ROBO1: variants seen among roughly 807,000 people sequenced by gnomAD.
ROBO1 encodes the protein roundabout homolog 1.
ROBO1 carries 149 observed loss-of-function variants against 195.9 expected under a neutral mutation model. The observed-to-expected ratio is 0.76, with a 90% CI of 0.67 to 0.87. The LOEUF is 0.87. Among genes scored for constraint, ROBO1 ranks in the 40% least tolerant of loss-of-function variants. The pLI, the probability that ROBO1 is intolerant of heterozygous loss-of-function variation, is 0.00. For synonymous variants in ROBO1, 816 were observed against 733.2 expected, an observed-to-expected ratio of 1.11 and a Z score of -1.82; for missense variants, 1,933 against 2,068.3, an observed-to-expected ratio of 0.93 and a Z score of 1.27.
chr3:79,747,304 G>A (rs1703920420), intron 1 of ROBO1, among the ~76,000 whole-genome samples: 1 of 151,962 alleles, frequency 6.6e-6, no homozygotes, highest in African/African-American at 2.4e-5. Context: ...CTCCAACAAG[G>A]AGGTTTGAAA....
chr3:79,381,947 C>T (rs1003783130), intron 2 of ROBO1, among the ~76,000 whole-genome samples: 27 of 152,110 alleles, frequency 1.8e-4, no homozygotes, highest in Non-Finnish European at 1.5e-5. Flanking sequence ...CGTATTTTCT[C>T]ATTTTTCACA....
chr3:79,407,512 G>A (rs570038577), intron 2 of ROBO1, among the ~76,000 whole-genome samples: 26 of 152,134 alleles, frequency 1.7e-4, no homozygotes, highest in African/African-American at 5.5e-4. Context: ...TAGTAAAATT[G>A]TCTTTAAGTC....
At chr3:78,824,549 G>T (rs1256354151) in intron 4 of ROBO1, among the ~76,000 whole-genome samples, 1 of 152,068 alleles carries the variant, frequency 6.6e-6, no homozygotes, top group African/African-American at 2.4e-5. Flanking sequence ...TTATAATGAT[G>T]TACATCAGGA....
At chr3:78,981,854 C>G (rs2077002169) in intron 3 of ROBO1, among the ~76,000 whole-genome samples, 1 of 151,660 alleles carries the variant, frequency 6.6e-6, no homozygotes, top group African/African-American at 2.4e-5. Flanking sequence ...GGGACTTTCC[C>G]TAGAAATTCC....
At chr3:78,769,930 TCTC>T (rs545405828) in intron 4 of ROBO1, among the ~76,000 whole-genome samples, 190 of 152,252 alleles carry the variant, frequency 1.2e-3, no homozygotes, top group African/African-American at 4.5e-3. Flanking sequence ...TTGTAGGGCT[TCTC>T]CTGAGAAATC....
intron 3 of ROBO1, among the ~76,000 whole-genome samples, chr3:79,037,499 C>A (rs2078401729): frequency 1.3e-5 from 2 of 152,120 alleles, no homozygotes; most frequent in Non-Finnish European, 2.9e-5. Context: ...CTGTTATTCA[C>A]TCAAATATTC....
intron 2 of ROBO1, among the ~76,000 whole-genome samples, chr3:79,317,868 C>T (rs1401597694): frequency 1.3e-5 from 2 of 152,144 alleles, no homozygotes; most frequent in Non-Finnish European, 2.9e-5. Flanking sequence ...CACACACACA[C>T]ACACAATGAA....
At chr3:79,333,116 T>C (rs2034517768) in intron 2 of ROBO1, among the ~76,000 whole-genome samples, 1 of 151,786 alleles carries the variant, frequency 6.6e-6, no homozygotes, top group Non-Finnish European at 1.5e-5. Context: ...GACAGGCGAA[T>C]TGCTTGAACC....
intron 4 of ROBO1, among the ~76,000 whole-genome samples, chr3:78,922,140 G>A (rs2038969091): frequency 6.6e-6 from 1 of 152,102 alleles, no homozygotes; most frequent in South Asian, 2.1e-4. Context: ...GCATGTACAG[G>A]CAGTCAACAT....
rs58730543 is a variant in ROBO1, at chr3:78,751,295, GTAATAA to G, written c.500-4401_500-4396del. On this transcript the variant is annotated intron_variant, in intron 4 of 30. Coordinates refer to ENST00000464233, the MANE Select transcript of ROBO1 (RefSeq NM_002941.4). ...GGGAGAGGAGCATGCCACATAAATAGTAATAATAATAATAATAATAATAATGTCAGC... is the reference window on the plus strand; with the variant it reads ...GGGAGAGGAGCATGCCACATAAATAGTAATAATAATAATAATAATGTCAGC... 1.0e-4 allele frequency among the ~76,000 whole-genome samples: 15 copies of G among 150,626 alleles called. 1 individual carries two copies. Among genetic ancestry groups the G allele is most frequent in the South Asian group, 6.3e-4 (3 of 4,760 alleles).
At chr3:78,714,684 A>T (rs2081856790) in intron 7 of ROBO1, 160 bp from the exon 8 acceptor site, 2 of 580,410 alleles carry the variant, frequency 3.4e-6, no homozygotes, top group South Asian at 8.2e-5. Context: ...GCAGAAGAAA[A>T]GCTTGTTTTT....
At chr3:78,963,152 T>C (rs2041472353) in intron 3 of ROBO1, among the ~76,000 whole-genome samples, 1 of 151,898 alleles carries the variant, frequency 6.6e-6, no homozygotes, top group Non-Finnish European at 1.5e-5. Context: ...TATGAAGAAC[T>C]AACCCTATCC....
chr3:78,835,761 C>T (rs2032658700), intron 4 of ROBO1, among the ~76,000 whole-genome samples: 1 of 152,206 alleles, frequency 6.6e-6, no homozygotes, highest in East Asian at 1.9e-4. Flanking sequence ...AGTAAGACCG[C>T]CAAATTGAAC....
At chr3:78,663,487 C>G (rs1282231638) in intron 14 of ROBO1, among the ~76,000 whole-genome samples, 1 of 152,104 alleles carries the variant, frequency 6.6e-6, no homozygotes, top group Non-Finnish European at 1.5e-5. Flanking sequence ...CCACTGGTCT[C>G]AATTGCTCCT....
chr3:78,990,719 A>T (rs770289751), intron 3 of ROBO1, among the ~76,000 whole-genome samples: 2 of 152,204 alleles, frequency 1.3e-5, no homozygotes, highest in African/African-American at 2.4e-5. Flanking sequence ...ATTAAAATTT[A>T]AAGAACACAT....
At chr3:79,709,824 G>A (rs1702203196) in intron 1 of ROBO1, among the ~76,000 whole-genome samples, 1 of 152,120 alleles carries the variant, frequency 6.6e-6, no homozygotes, top group Non-Finnish European at 1.5e-5. Flanking sequence ...CCTTATAAGA[G>A]AGGCCCCAGA....
intron 3 of ROBO1, chr3:79,018,772 T>C (rs1224309642): frequency 2.7e-6 from 3 of 1,114,404 alleles, no homozygotes; most frequent in African/African-American, 1.6e-5. Flanking sequence ...AGTAGTGCCG[T>C]TTCCTGCCTC....
intron 16 of ROBO1, 88 bp downstream of exon 16, chr3:78,660,942 A>G: frequency 1.1e-6 from 1 of 877,878 alleles, no homozygotes; most frequent in Non-Finnish European, 1.7e-6. Flanking sequence ...TAATGCCACT[A>G]TTAACATTAT....
Position 79,199,939 on chromosome 3 carries a change from A to T in ROBO1, c.89-74400T>A, listed in dbSNP as rs374371755. 2.4e-4 allele frequency among the ~76,000 whole-genome samples: 36 copies of T among 151,904 alleles called. No homozygotes were observed. In the East Asian group the frequency reaches 5.0e-3, roughly 21 times the overall value. On this transcript the variant is annotated intron_variant, in intron 2 of 30. Transcript: ENST00000464233. ...TCTTTAAAGTCTAAGAGCTATTTAA[A>T]TTAAATTCGAATGGTTATTCTGACT...
Sources: gnomAD v4.1 joint callset for allele counts (sites outside exome capture counted in the v4.1 genomes callset) on GRCh38, gnomAD v4.1.1 for gene constraint, MANE v1.5 for transcripts, NCBI Gene and HGNC (gene_info 2026-07-23, HGNC 2026-07-21) for gene names.